ZFPM1: variants seen among roughly 807,000 people sequenced by gnomAD.
ZFPM1 encodes zinc finger protein ZFPM1.
In ZFPM1, 28 loss-of-function variants were observed where a neutral mutation model predicts 46.3. The observed-to-expected ratio is 0.60, with a 90% CI of 0.45 to 0.83. ZFPM1 has a LOEUF of 0.83. ZFPM1 is among the 40% of genes least tolerant of loss of function. ZFPM1 has a pLI of 0.00. For synonymous variants in ZFPM1, 957 were observed against 675.9 expected (o/e 1.42, Z -6.45); for missense variants, 1,878 against 1,432.4 (o/e 1.31, Z -5.02).
intron 3 of ZFPM1, among the ~76,000 whole-genome samples, chr16:88,504,577 G>A (rs945242601): frequency 2.6e-5 from 4 of 152,156 alleles, no homozygotes; most frequent in South Asian, 2.1e-4. Context: ...CAGAGACACC[G>A]CCCAGGGTGC....
At chr16:88,527,158 G>A (rs945553407) in intron 5 of ZFPM1, among the ~76,000 whole-genome samples, 8 of 152,032 alleles carry the variant, frequency 5.3e-5, no homozygotes, top group East Asian at 1.9e-4. Flanking sequence ...TGTCCGTGGC[G>A]GGGGGGTGGG....
chr16:88,461,070 GGGCAGAAGGTCT>G (rs1907831415), intron 1 of ZFPM1, among the ~76,000 whole-genome samples: 1 of 117,718 alleles, frequency 8.5e-6, no homozygotes, highest in Non-Finnish European at 1.7e-5. Context: ...GAGGACCCAG[GGGCAGAAGGTCT>G]GGTGAGGACC....
rs375004941 is a variant in ZFPM1, at chr16:88,486,281, C to T, written c.145+238C>T. On this transcript the variant is annotated intron_variant, in intron 2 of 9. Transcript: ENST00000319555. ...CATGTGCAGCCTGAAATCCAGCCCT[C>T]ATACAAATGAGCAGACCAAGGCCCA... 4.6e-5 allele frequency among the ~76,000 whole-genome samples: 7 copies of T among 152,356 alleles called. No individual in the cohort carries two copies. The East Asian group carries it at 9.6e-4, about 21-fold the overall frequency.
chr16:88,485,536 C>G (rs1909174034), intron 1 of ZFPM1, among the ~76,000 whole-genome samples: 1 of 151,566 alleles, frequency 6.6e-6, no homozygotes, highest in African/African-American at 2.4e-5. Flanking sequence ...AACTCCCAGT[C>G]TCAAGCGATC....
intron 3 of ZFPM1, among the ~76,000 whole-genome samples, chr16:88,503,233 C>T (rs1910471045): frequency 6.7e-6 from 1 of 149,902 alleles, no homozygotes; most frequent in Non-Finnish European, 1.5e-5. Context: ...GGGGAGGGGC[C>T]CACGGTTCCT....
intron 3 of ZFPM1, chr16:88,513,237 G>A (rs1169415075): frequency 6.6e-6 from 1 of 152,234 alleles, no homozygotes; most frequent in African/African-American, 2.4e-5. Flanking sequence ...TTCCCTTCCT[G>A]GGGGCTGATA....
chr16:88,487,800 G>T (rs1289529808), intron 2 of ZFPM1, among the ~76,000 whole-genome samples: 1 of 152,158 alleles, frequency 6.6e-6, no homozygotes, highest in African/African-American at 2.4e-5. Context: ...AGAGCCAGTG[G>T]GACTTGACCC....
At chr16:88,492,618 C>T (rs1302624941) in intron 3 of ZFPM1, among the ~76,000 whole-genome samples, 1 of 152,216 alleles carries the variant, frequency 6.6e-6, no homozygotes, top group Non-Finnish European at 1.5e-5. Flanking sequence ...ACCCCCCAAC[C>T]CCGACCCCGG....
chr16:88,516,541 T>G (rs1911310088), intron 4 of ZFPM1: 1 of 398,664 alleles, frequency 2.5e-6, no homozygotes, highest in Admixed American at 4.4e-5. Flanking sequence ...AATCCTTGAT[T>G]AACCCTTATC....
At chr16:88,490,462 GAGA>G (rs1257569025) in intron 3 of ZFPM1, among the ~76,000 whole-genome samples, 11 of 152,246 alleles carry the variant, frequency 7.2e-5, no homozygotes, top group African/African-American at 2.7e-4. Flanking sequence ...CGTCTGTGGA[GAGA>G]AGATGCATGG....
intron 1 of ZFPM1, among the ~76,000 whole-genome samples, chr16:88,466,549 G>C (rs892848104): frequency 6.6e-6 from 1 of 152,228 alleles, no homozygotes; most frequent in Non-Finnish European, 1.5e-5. Context: ...GCACAGAAAG[G>C]GCAGGGGACG....
At chr16:88,458,584 C>T (rs1410377974) in intron 1 of ZFPM1, among the ~76,000 whole-genome samples, 1 of 152,230 alleles carries the variant, frequency 6.6e-6, no homozygotes, top group Non-Finnish European at 1.5e-5. Flanking sequence ...AATAATACTC[C>T]CGCTGGCCTA....
In ZFPM1 at chr16:88,528,097, A is replaced by T; in HGVS notation, c.571A>T (p.Thr191Ser). Reference protein sequence around the residue: ...PAGGLLSVLLTAEPHSTPGHP... With the variant: ...PAGGLLSVLLSAEPHSTPGHP... ...GGGGGGACTCCTGAGCGTGCTCCTC[A>T]CGGCCGAGCCCCACAGCACCCCCGG... Residue 191 changes from threonine (T) to serine (S), a missense_variant, in exon 6 of 10, where the codon ACG becomes TCG. Thr to Ser is a moderately conservative substitution (Grantham distance 58, BLOSUM62 1). Coordinates refer to ENST00000319555, the MANE Select transcript of ZFPM1 (RefSeq NM_153813.3). 1 of 1,577,566 alleles carries T rather than the reference A, an allele frequency of 6.3e-7. No individual in the cohort carries two copies. The highest frequency in any genetic ancestry group is 8.6e-7 in the Non-Finnish European group (1 of 1,162,422).
At chr16:88,488,247 G>C (rs542919192) in intron 2 of ZFPM1, among the ~76,000 whole-genome samples, 3 of 152,044 alleles carry the variant, frequency 2.0e-5, no homozygotes, top group Non-Finnish European at 4.4e-5. Context: ...CCGGCTTCCC[G>C]GGGAGCCAGG....
At position 88,480,997 on chromosome 16, in the gene ZFPM1, G is replaced by A. The variant is rs1908910543; in HGVS notation, c.41-4942G>A. On this transcript the variant is annotated intron_variant, in intron 1 of 9. Transcript: ENST00000319555. This position sits in a 1 kb window ranked among gnomAD's most constrained non-coding sequence, Gnocchi z 4.9. The stretch of plus-strand genomic sequence containing the variant: ...GCCAGCTCCATAATTCAGTTTTAAA[G>A]CATGAAAAAAGGGAGTTGATGAAAT... Among the ~76,000 whole-genome samples, 1 of 152,242 alleles carries A rather than the reference G, an allele frequency of 6.6e-6. No individual in the cohort carries two copies. The highest frequency in any genetic ancestry group is 1.5e-5 in the Non-Finnish European group (1 of 68,044).
intron 3 of ZFPM1, among the ~76,000 whole-genome samples, chr16:88,500,789 G>A (rs541671878): frequency 2.6e-5 from 4 of 152,336 alleles, no homozygotes; most frequent in Admixed American, 2.0e-4. Flanking sequence ...GGCAGGGCAG[G>A]GCCCACAGTT....
At chr16:88,521,452 A>C (rs1364806287) in intron 4 of ZFPM1, among the ~76,000 whole-genome samples, 1 of 151,844 alleles carries the variant, frequency 6.6e-6, no homozygotes, top group Non-Finnish European at 1.5e-5. Context: ...AGAAAGCCTC[A>C]GGCCATCGTG....
At chr16:88,483,280 C>A (rs1909046058) in intron 1 of ZFPM1, among the ~76,000 whole-genome samples, 1 of 150,662 alleles carries the variant, frequency 6.6e-6, no homozygotes, top group Non-Finnish European at 1.5e-5. Flanking sequence ...ACCTGCCCCT[C>A]CTGTCCAGGA....
intron 4 of ZFPM1, among the ~76,000 whole-genome samples, chr16:88,515,131 A>G (rs1057482115): frequency 7.7e-4 from 118 of 152,356 alleles, no homozygotes; most frequent in African/African-American, 2.6e-3. Context: ...CGAAGAGGGT[A>G]TAATGGTTTC....
Sources: allele counts gnomAD v4.1 joint callset (sites outside exome capture counted in the v4.1 genomes callset), GRCh38; gene constraint gnomAD v4.1.1; non-coding constraint Gnocchi (gnomAD v3.1); transcripts MANE v1.5; gene names NCBI Gene and HGNC (gene_info 2026-07-23, HGNC 2026-07-21).